Variants in KRT24 observed in about 807,000 individuals in gnomAD.
The protein encoded by KRT24 is keratin 24.
KRT24 carries 44 observed loss-of-function variants against 51.7 expected under a neutral mutation model. The ratio of observed to expected loss-of-function variants is 0.85; its 90% confidence interval spans 0.67 to 1.09. The LOEUF is 1.09. Ranked by LOEUF, KRT24 falls within the 50% of genes least tolerant of loss-of-function variation. KRT24 has a pLI of 0.00. For synonymous variants in KRT24, 241 were observed against 249.5 expected (o/e 0.97, Z 0.32); for missense variants, 633 against 647.0 (o/e 0.98, Z 0.24).
In KRT24 at chr17:40,698,187, T is replaced by C. The variant is rs374649951; in HGVS notation, c.*50A>G. 1.4e-5 allele frequency: 16 copies of C among 1,154,586 alleles called. No homozygotes were observed. The African/African-American group carries it at 2.3e-4, about 16-fold the overall frequency. The allele number at this position is 1,154,586 out of a possible 1,614,324, so 71.5% of individuals were successfully genotyped here. On this transcript the variant is annotated 3_prime_UTR_variant, in exon 8 of 8. Coordinates refer to ENST00000264651, the MANE Select transcript of KRT24 (RefSeq NM_019016.3). The stretch of plus-strand genomic sequence containing the variant: ...TGATGCCATTTCTTCGCTTGTGTCC[T>C]TCTTGATTTTTTTTTCTTTGAAAGA...
Position 40,703,248 on chromosome 17 carries a change from T to C in KRT24, c.446A>G (p.Asp149Gly). 6.2e-7 allele frequency: 1 copy of C among 1,614,074 alleles called. No individual in the cohort carries two copies. Among genetic ancestry groups the C allele is most frequent in the Non-Finnish European group, 8.5e-7 (1 of 1,180,018 alleles). ...CTTGTCTAGGTAATTGGCCAAGCGG[T>C]CATTGAGGTTCTGCATGGTTTGCTT... ...GEKQTMQNLNDRLANYLDKVR... is the reference protein window; with the variant it reads ...GEKQTMQNLNGRLANYLDKVR... Residue 149 changes from aspartate to glycine, a missense_variant, in exon 1 of 8, where the codon GAC becomes GGC. Coordinates refer to ENST00000264651, the MANE Select transcript of KRT24 (RefSeq NM_019016.3).
Position 40,701,245 on chromosome 17 carries a change from G to A in KRT24, c.750C>T (p.Gly250=). 6.2e-7 allele frequency: 1 copy of A among 1,613,970 alleles called. No homozygotes were observed. The highest frequency in any genetic ancestry group is 8.5e-7 in the Non-Finnish European group (1 of 1,179,966). Residue 250 remains glycine, a synonymous_variant, in exon 3 of 8, where the codon GGC becomes GGT. Transcript: ENST00000264651. ...LRQSVEADIN[G]LRKVLDDLTM... Reference sequence around the variant, plus strand: ...TCAGGTCATCCAGGACTTTCCGCAGGCCATTGATGTCAGCCTCCACGCTCT... The same window carrying A: ...TCAGGTCATCCAGGACTTTCCGCAGACCATTGATGTCAGCCTCCACGCTCT...
At position 40,703,340 on chromosome 17, in the gene KRT24, G is replaced by C. The variant is rs751819178; in HGVS notation, c.354C>G (p.Gly118=). 1.9e-6 allele frequency: 3 copies of C among 1,613,990 alleles called. No homozygotes were observed. The highest frequency in any genetic ancestry group is 2.5e-6 in the Non-Finnish European group (3 of 1,179,974). The change falls in exon 1 of 8, where the codon GGC becomes GGG. Residue 118 remains glycine, a synonymous_variant. Coordinates refer to ENST00000264651, the MANE Select transcript of KRT24 (RefSeq NM_019016.3). ...CCATACCACCACCATAGCTGTAGAA[G>C]CCTCCAGTAGCACCACTGCTGAATC... ...SSRFSSGATG[G]FYSYGGGMGG...
chr17:40,700,706 G>A (rs2037666801), intron 3 of KRT24, among the ~76,000 whole-genome samples: 1 of 151,960 alleles, frequency 6.6e-6, no homozygotes, highest in South Asian at 2.1e-4. Context: ...TGATTCTCCT[G>A]CCTCAGCCTC....
chr17:40,700,276 GT>G lies in KRT24; in HGVS notation c.962del (p.Tyr321SerfsTer41). On this transcript the variant is annotated frameshift_variant, in exon 4 of 8. Coordinates refer to ENST00000264651, the MANE Select transcript of KRT24 (RefSeq NM_019016.3). LOFTEE classifies it high-confidence loss of function. ...TKLLNDMRAQ[Y>X]EELAEQNRRE... ...GGCGGTTTTGCTCAGCCAGCTCCTC[GT>G]ACTGCGCCCTCATGTCATTCAGTAA... The G allele has an allele frequency of 3.7e-6, 6 of 1,614,086 alleles. No homozygotes were observed. The highest frequency in any genetic ancestry group is 5.1e-6 in the Non-Finnish European group (6 of 1,180,004).
At chr17:40,699,963 C>A (rs2037654908) in intron 5 of KRT24, 35 bp downstream of exon 5, 1 of 1,613,010 alleles carries the variant, frequency 6.2e-7, no homozygotes. Context: ...TGCTTAACTC[C>A]CTGTTGGAAA....
intron 1 of KRT24, 28 bp from the exon 2 acceptor site, chr17:40,701,961 T>G (rs747518020): frequency 1.3e-5 from 16 of 1,235,226 alleles, no homozygotes; most frequent in Middle Eastern, 1.9e-4. Context: ...AGTGAGTGAA[T>G]CACGAATGAT....
Position 40,703,476 on chromosome 17 carries a change from A to G in KRT24, c.218T>C (p.Val73Ala). The G allele has an allele frequency of 2.0e-6, 1 of 490,446 alleles. No individual in the cohort carries two copies. Among genetic ancestry groups the G allele is most frequent in the Non-Finnish European group, 3.7e-6 (1 of 269,202 alleles). The allele number at this position is 490,446 out of a possible 1,614,324, so 30.4% of individuals were successfully genotyped here. Residue 73 changes from valine (V) to alanine (A), a missense_variant, in exon 1 of 8, where the codon GTA becomes GCA. Val to Ala is a moderately conservative substitution (Grantham distance 64). Coordinates refer to ENST00000264651, the MANE Select transcript of KRT24 (RefSeq NM_019016.3). ...TGAAGCTCCCCCAAAACCACCCCCTACTGAGCAGCTACCAAAGCCCCCTCC... is the reference window on the plus strand; with the variant it reads ...TGAAGCTCCCCCAAAACCACCCCCTGCTGAGCAGCTACCAAAGCCCCCTCC... ...SFGGGFGSCSVGGGFGGASGS... is the reference protein window; with the variant it reads ...SFGGGFGSCSAGGGFGGASGS...
intron 7 of KRT24, 35 bp from the exon 8 acceptor site, chr17:40,698,375 A>G: frequency 7.2e-7 from 1 of 1,386,800 alleles, no homozygotes; most frequent in Non-Finnish European, 1.0e-6. Context: ...CAGTCTGGAA[A>G]CTCTCACAGA....
intron 6 of KRT24, among the ~76,000 whole-genome samples, 172 bp downstream of exon 6, chr17:40,699,272 C>T (rs962461188): frequency 1.3e-5 from 2 of 151,976 alleles, no homozygotes; most frequent in African/African-American, 4.8e-5. Context: ...GTGATTCTCC[C>T]ACCTCAGCCT....
chr17:40,699,319 C>T (rs554330914), intron 6 of KRT24, 125 bp downstream of exon 6: 8 of 744,042 alleles, frequency 1.1e-5, no homozygotes, highest in South Asian at 1.0e-4. Context: ...AGCCACTGCA[C>T]GCAGCCTGTG....
chr17:40,701,095 A>G (rs2037670347), intron 3 of KRT24, 45 bp downstream of exon 3: 1 of 1,592,300 alleles, frequency 6.3e-7, no homozygotes, highest in Non-Finnish European at 8.6e-7. Flanking sequence ...TATGGGGAGA[A>G]ATATGTTAGC....
At chr17:40,700,886 C>G (rs1272582565) in intron 3 of KRT24, among the ~76,000 whole-genome samples, 1 of 152,150 alleles carries the variant, frequency 6.6e-6, no homozygotes, top group East Asian at 1.9e-4. Flanking sequence ...CAGGCATAAG[C>G]CACCGTGCCA....
At position 40,701,926 on chromosome 17, in the gene KRT24, G is replaced by A. The variant is rs749422078; in HGVS notation, c.623C>T (p.Ala208Val). 10 of 1,536,574 alleles carry A rather than the reference G, an allele frequency of 6.5e-6. No individual in the cohort carries two copies. Among genetic ancestry groups the A allele is most frequent in the Middle Eastern group, 3.4e-4 (2 of 5,840 alleles). Residue 208 changes from alanine to valine, a missense_variant, in exon 2 of 8, where the codon GCT becomes GTT. Physicochemically the swap from Ala to Val is moderately conservative, Grantham distance 64. Transcript: ENST00000264651. ...GATCCCAGCATTTTCAACAGTGGCA[G>A]CAATGATCTAAAAAAGATGTTAATA... ...IIEDLRNQII[A>V]ATVENAGIIL... is the part of the protein sequence containing the mutation.
chr17:40,701,385 G>T, intron 2 of KRT24, 89 bp from the exon 3 acceptor site: 1 of 1,070,478 alleles, frequency 9.3e-7, no homozygotes. Flanking sequence ...TATTGAAAAA[G>T]TTCTCACTTG....
chr17:40,703,462 CA>C lies in KRT24; in HGVS notation c.231del (p.Phe77LeufsTer79). 4 of 1,565,950 alleles carry C rather than the reference CA, an allele frequency of 2.6e-6. No individual in the cohort carries two copies. Among genetic ancestry groups the C allele is most frequent in the Non-Finnish European group, 3.5e-6 (4 of 1,140,472 alleles). On this transcript the variant is annotated frameshift_variant, in exon 1 of 8. Transcript: ENST00000264651. LOFTEE classifies it high-confidence loss of function. ...CCTGTCCCAGAGCCTGAAGCTCCCC[CA>C]AAACCACCCCCTACTGAGCAGCTAC... ...GFGSCSVGGG[F>X]GGASGSGTGF...
At chr17:40,699,419 T>C (rs1396345806) in intron 6 of KRT24, 25 bp downstream of exon 6, 1 of 1,588,778 alleles carries the variant, frequency 6.3e-7, no homozygotes, top group Non-Finnish European at 8.6e-7. Flanking sequence ...GTATGCATTT[T>C]AGTTTGTTCA....
intron 2 of KRT24, 104 bp from the exon 3 acceptor site, chr17:40,701,400 C>T (rs143619293): frequency 5.2e-5 from 45 of 873,238 alleles, no homozygotes; most frequent in East Asian, 3.5e-4. Flanking sequence ...CACTTGTGGG[C>T]ATTTTAATAA....
intron 1 of KRT24, 130 bp downstream of exon 1, chr17:40,702,949 G>T: frequency 2.3e-6 from 2 of 851,500 alleles, no homozygotes; most frequent in African/African-American, 1.7e-5. Context: ...AGACACATCA[G>T]GTCCCACTTT....
Sources: allele counts gnomAD v4.1 joint callset (sites outside exome capture counted in the v4.1 genomes callset), GRCh38; gene constraint gnomAD v4.1.1; transcripts MANE v1.5; gene names NCBI Gene and HGNC (gene_info 2026-07-23, HGNC 2026-07-21).